The following PHF21A variants were observed in gnomAD, a reference collection of about 807,000 sequenced individuals.
PHF21A encodes BHC80a.
In PHF21A, 11 loss-of-function variants were observed where a neutral mutation model predicts 82.5. The ratio of observed to expected loss-of-function variants is 0.13; its 90% CI spans 0.08 to 0.22. The LOEUF (loss-of-function observed/expected upper bound fraction) is 0.22. Among genes scored for constraint, PHF21A ranks in the 10% least tolerant of loss-of-function variants. The pLI is 1.00. For missense variants in PHF21A, 579 were observed against 837.8 expected, an observed-to-expected ratio of 0.69 and a Z score of 3.81; for synonymous variants, 297 against 302.8, an observed-to-expected ratio of 0.98 and a Z score of 0.20.
chr11:45,942,316 T>C (rs1170066327), intron 15 of PHF21A, among the ~76,000 whole-genome samples: 1 of 152,132 alleles, frequency 6.6e-6, no homozygotes, highest in Non-Finnish European at 1.5e-5. Flanking sequence ...TAATCCCAAT[T>C]GACCCAAAAA....
In PHF21A at chr11:46,084,306, T is replaced by A; in HGVS notation, c.-83-4A>T. The stretch of plus-strand genomic sequence containing the variant: ...CAAACTCCTCTTCTCACTGCAGCTG[T>A]AAAGATCATAAAATGTTTTGGATCA... On this transcript the variant is annotated splice_region_variant and splice_polypyrimidine_tract_variant and intron_variant, in intron 3 of 18. Transcript: ENST00000676320. The A allele has an allele frequency of 1.2e-6, 1 of 869,380 alleles. No homozygotes were observed. 53.9% of individuals were successfully genotyped at this position (869,380 alleles called of 1,614,324 possible).
intron 18 of PHF21A, 67 bp downstream of exon 18, chr11:45,935,569 C>G: frequency 1.2e-6 from 1 of 856,140 alleles, no homozygotes; most frequent in African/African-American, 1.7e-5. Context: ...CGTACTGTTA[C>G]GTATATTGGA....
intron 6 of PHF21A, among the ~76,000 whole-genome samples, chr11:46,065,460 C>A (rs1474338071): frequency 6.6e-6 from 1 of 152,120 alleles, no homozygotes; most frequent in Non-Finnish European, 1.5e-5. Flanking sequence ...TGAAAGATGA[C>A]CAGAATGAAT....
intron 6 of PHF21A, among the ~76,000 whole-genome samples, chr11:45,983,257 G>T (rs1034205524): frequency 2.6e-5 from 4 of 151,878 alleles, no homozygotes; most frequent in South Asian, 2.1e-4. Context: ...CTGGTGGGGG[G>T]ACATGATCAA....
At chr11:45,977,473 A>G (rs2094090043) in intron 7 of PHF21A, among the ~76,000 whole-genome samples, 1 of 152,176 alleles carries the variant, frequency 6.6e-6, no homozygotes, top group Non-Finnish European at 1.5e-5. Context: ...TTACTTGAAC[A>G]GGATGTTTCC....
intron 10 of PHF21A, among the ~76,000 whole-genome samples, chr11:45,963,420 C>CA (rs35389845): frequency 0.021 from 1,882 of 89,674 alleles, 34 homozygotes; most frequent in African/African-American, 0.05. Context: ...AACTCTGTGT[C>CA]AAAAAAAAAA....
At chr11:46,064,995 T>C (rs1324622294) in intron 6 of PHF21A, among the ~76,000 whole-genome samples, 1 of 152,246 alleles carries the variant, frequency 6.6e-6, no homozygotes, top group South Asian at 2.1e-4. Context: ...TATAACTTCA[T>C]GGTATTTCAG....
chr11:45,946,184 C>G lies in PHF21A; in HGVS notation c.1289-181G>C, dbSNP rs372978240. The G allele has an allele frequency of 4.5e-5, 60 of 1,334,228 alleles. No homozygotes were observed. In the African/African-American group the frequency reaches 6.2e-4, roughly 14 times the overall value. 82.6% of individuals were successfully genotyped at this position (1,334,228 alleles called of 1,614,324 possible). On this transcript the variant is annotated intron_variant, in intron 14 of 18. Coordinates refer to ENST00000676320, the MANE Select transcript of PHF21A (RefSeq NM_001352027.3). ...GGAAGAGAAGCAAAGATTTAAATGT[C>G]ATTAGAAACAACTATATGACTCTCA...
chr11:46,005,264 G>T (rs1417571943), intron 6 of PHF21A, among the ~76,000 whole-genome samples: 1 of 152,140 alleles, frequency 6.6e-6, no homozygotes, highest in East Asian at 1.9e-4. Context: ...TAGTCAACAT[G>T]CAGTCAAAAC....
At chr11:46,024,834 CTTCT>C (rs1229730427) in intron 6 of PHF21A, among the ~76,000 whole-genome samples, 1 of 152,088 alleles carries the variant, frequency 6.6e-6, no homozygotes, top group Non-Finnish European at 1.5e-5. Flanking sequence ...GACTTAGGGA[CTTCT>C]TTAAGAATAA....
At chr11:46,018,002 G>A (rs1379215954) in intron 6 of PHF21A, among the ~76,000 whole-genome samples, 1 of 152,128 alleles carries the variant, frequency 6.6e-6, no homozygotes, top group African/African-American at 2.4e-5. Flanking sequence ...TGTAATCCCA[G>A]CACTTTGGGA....
intron 3 of PHF21A, among the ~76,000 whole-genome samples, chr11:46,087,562 A>C (rs933210356): frequency 2.6e-5 from 4 of 152,078 alleles, no homozygotes; most frequent in Non-Finnish European, 4.4e-5. Flanking sequence ...TCTTTTCTTC[A>C]GAAAGATCTC....
At chr11:46,083,928 G>A (rs765044358) in intron 4 of PHF21A, among the ~76,000 whole-genome samples, 13 of 152,084 alleles carry the variant, frequency 8.5e-5, no homozygotes, top group Non-Finnish European at 1.6e-4. Context: ...AACACCTTTG[G>A]TATATGAAAA....
intron 4 of PHF21A, among the ~76,000 whole-genome samples, chr11:46,082,698 A>T (rs986840993): frequency 6.6e-6 from 1 of 152,192 alleles, no homozygotes; most frequent in African/African-American, 2.4e-5. Context: ...TTTAAAATAG[A>T]ATAATAAATA....
At chr11:45,936,730 A>T in intron 16 of PHF21A, 161 bp from the exon 17 acceptor site, 1 of 603,002 alleles carries the variant, frequency 1.7e-6, no homozygotes, top group Non-Finnish European at 2.9e-6. Context: ...TGGACTAAAA[A>T]GTTCCAAATA....
intron 6 of PHF21A, among the ~76,000 whole-genome samples, chr11:46,033,446 G>T (rs1051248272): frequency 6.6e-5 from 10 of 152,098 alleles, no homozygotes; most frequent in Middle Eastern, 3.4e-3. Flanking sequence ...TGTATTTTTG[G>T]TAGAGATGGG....
At chr11:45,954,233 G>T (rs1021382302) in intron 10 of PHF21A, among the ~76,000 whole-genome samples, 5 of 152,134 alleles carry the variant, frequency 3.3e-5, no homozygotes, top group Non-Finnish European at 5.9e-5. Flanking sequence ...CCGACCTCAG[G>T]TGATCCACCC....
chr11:46,009,698 C>T (rs117711927), intron 6 of PHF21A, among the ~76,000 whole-genome samples: 1 of 152,346 alleles, frequency 6.6e-6, no homozygotes, highest in Non-Finnish European at 1.5e-5. Flanking sequence ...CCAGAGCAGA[C>T]TTCCAACTTG....
At chr11:45,988,274 C>T (rs2094563164) in intron 6 of PHF21A, among the ~76,000 whole-genome samples, 1 of 152,082 alleles carries the variant, frequency 6.6e-6, no homozygotes, top group South Asian at 2.1e-4. Context: ...AGAAATAGAT[C>T]CATTATTTTC....
Sources: gnomAD v4.1 joint callset for allele counts (sites outside exome capture counted in the v4.1 genomes callset) on GRCh38, gnomAD v4.1.1 for gene constraint, MANE v1.5 for transcripts, NCBI Gene and HGNC (gene_info 2026-07-23, HGNC 2026-07-21) for gene names.